Variants in DPH5 observed in about 807,000 individuals in gnomAD.
The protein encoded by DPH5 is diphthamide biosynthesis 5.
In DPH5, 31 loss-of-function variants were observed where a neutral mutation model predicts 31.6. The observed-to-expected ratio is 0.98, with a 90% CI of 0.74 to 1.32. The LOEUF is 1.32. Among genes scored for constraint, DPH5 ranks in the 40% most tolerant of loss-of-function variants. The pLI is 0.00. For synonymous variants in DPH5, 120 were observed against 115.0 expected, an observed-to-expected ratio of 1.04 and a Z score of -0.28; for missense variants, 309 against 335.7, an observed-to-expected ratio of 0.92 and a Z score of 0.62.
intron 2 of DPH5, among the ~76,000 whole-genome samples, chr1:101,023,958 T>A (rs1473037556): frequency 6.6e-6 from 1 of 152,238 alleles, no homozygotes; most frequent in African/African-American, 2.4e-5. Context: ...AAACTGCTGT[T>A]TTGTTATTTG....
intron 3 of DPH5, among the ~76,000 whole-genome samples, chr1:101,014,958 C>G (rs376848568): frequency 6.6e-6 from 1 of 152,188 alleles, no homozygotes; most frequent in African/African-American, 2.4e-5. Flanking sequence ...TCTTCAGGCT[C>G]CACTTCTAAT....
At chr1:101,007,605 C>T (rs1396102318) in intron 4 of DPH5, among the ~76,000 whole-genome samples, 1 of 151,896 alleles carries the variant, frequency 6.6e-6, no homozygotes, top group Non-Finnish European at 1.5e-5. Flanking sequence ...GTCCCAGCTA[C>T]TCGGGAGGCT....
At chr1:101,001,702 G>A in intron 4 of DPH5, 115 bp from the exon 5 acceptor site, 1 of 834,526 alleles carries the variant, frequency 1.2e-6, no homozygotes, top group Non-Finnish European at 1.8e-6. Flanking sequence ...CTCGAAATGG[G>A]TTGGGGATCA....
chr1:101,021,685 A>G lies in DPH5; in HGVS notation c.216T>C (p.Ala72=). The change falls in exon 3 of 8, where the codon GCT becomes GCC. Residue 72 remains alanine (A), a synonymous_variant. Transcript: ENST00000370109. ...EQEADNILKD[A]DISDVAFLVV... Reference sequence around the variant, plus strand: ...CAAGGAATGCAACATCACTGATATCAGCATCCTTTAAAATATTATCTGCTT... The same window carrying G: ...CAAGGAATGCAACATCACTGATATCGGCATCCTTTAAAATATTATCTGCTT... 1 of 1,614,020 alleles carries G rather than the reference A, an allele frequency of 6.2e-7. No homozygotes were observed. The highest frequency in any genetic ancestry group is 2.2e-5 in the East Asian group (1 of 44,866).
intron 6 of DPH5, among the ~76,000 whole-genome samples, chr1:100,994,509 C>T (rs1658147527): frequency 6.6e-6 from 1 of 150,908 alleles, no homozygotes. Context: ...GAGCACTCAA[C>T]TAGAGGCAGA....
intron 4 of DPH5, among the ~76,000 whole-genome samples, chr1:101,008,920 C>T (rs1422898782): frequency 2.6e-5 from 4 of 152,150 alleles, no homozygotes; most frequent in Non-Finnish European, 4.4e-5. Flanking sequence ...TTTTTCATCA[C>T]CCAACTAAGA....
At position 101,010,418 on chromosome 1, in the gene DPH5, C is replaced by T. The variant is rs913819056; in HGVS notation, c.369+3292G>A. ...TAGATAGTTATACAACAATTTTTAC[C>T]ATCATAGTGATAAACAAAAATTTTC... On this transcript the variant is annotated intron_variant, in intron 4 of 7. Coordinates refer to ENST00000370109, the MANE Select transcript of DPH5 (RefSeq NM_015958.3). Among the ~76,000 whole-genome samples the T allele has an allele frequency of 4.6e-5, 7 of 152,166 alleles. No homozygotes were observed. The East Asian group carries it at 1.2e-3, about 25-fold the overall frequency.
In DPH5 at chr1:100,990,154, T is replaced by TC. The variant is rs1438441485; in HGVS notation, c.*253dup. Reference sequence around the variant, plus strand: ...AACAATCACGGTGGAAGGCACCTCTTCACAGGGCGGCAAGAGTGAGAATGA... The same window carrying TC: ...AACAATCACGGTGGAAGGCACCTCTTCCACAGGGCGGCAAGAGTGAGAATGA... On this transcript the variant is annotated 3_prime_UTR_variant, in exon 8 of 8. Transcript: ENST00000370109. 57 of 467,768 alleles carry TC rather than the reference T, an allele frequency of 1.2e-4. 2 individuals carry two copies. The Admixed American group carries it at 2.1e-3, about 17-fold the overall frequency. 29.0% of individuals were successfully genotyped at this position (467,768 alleles called of 1,614,324 possible).
chr1:101,017,711 T>C (rs1660174700), intron 3 of DPH5, among the ~76,000 whole-genome samples: 1 of 152,234 alleles, frequency 6.6e-6, no homozygotes, highest in Admixed American at 6.5e-5. Flanking sequence ...AGCAGTCAGA[T>C]ATATATTAAC....
chr1:101,002,121 G>T (rs539151744), intron 4 of DPH5, among the ~76,000 whole-genome samples: 15 of 152,124 alleles, frequency 9.9e-5, no homozygotes, highest in Non-Finnish European at 1.5e-4. Context: ...TCCTGTCATT[G>T]TTCCAAACCT....
At chr1:101,004,203 C>T (rs1314858327) in intron 4 of DPH5, among the ~76,000 whole-genome samples, 2 of 152,294 alleles carry the variant, frequency 1.3e-5, no homozygotes, top group African/African-American at 4.8e-5. Context: ...GTGCAAACTT[C>T]TTCAGTGAAT....
rs1660784055 is a variant in DPH5, at chr1:101,025,777, G to A, written c.-118C>T. On this transcript the variant is annotated 5_prime_UTR_variant, in exon 1 of 8. Coordinates refer to ENST00000370109, the MANE Select transcript of DPH5 (RefSeq NM_015958.3). ...ACTGCAAAAGCGCCGGCTCCGTGCA[G>A]AGAAAAGGCCCACGCCGCCGGCCTC... 2.3e-5 allele frequency: 6 copies of A among 264,364 alleles called. No individual in the cohort carries two copies. The South Asian group carries it at 2.8e-4, about 12-fold the overall frequency. 16.4% of individuals were successfully genotyped at this position (264,364 alleles called of 1,614,324 possible).
chr1:101,005,057 C>G (rs1570673695), intron 4 of DPH5, among the ~76,000 whole-genome samples: 1 of 152,204 alleles, frequency 6.6e-6, no homozygotes, highest in Non-Finnish European at 1.5e-5. Flanking sequence ...CTCAATATCA[C>G]TTGCCTGAAT....
In DPH5 at chr1:100,990,645, A is replaced by C. The variant is rs367822187; in HGVS notation, c.635-14T>G. ...CCTCGGTAACTGCTATTAAAAAAAA[A>C]AGATACTGCTATTCAATTCAGCAAA... On this transcript the variant is annotated splice_polypyrimidine_tract_variant and intron_variant, in intron 7 of 7. Transcript: ENST00000370109. The C allele has an allele frequency of 6.2e-6, 10 of 1,612,286 alleles. No individual in the cohort carries two copies. Among genetic ancestry groups the C allele is most frequent in the Non-Finnish European group, 8.5e-6 (10 of 1,178,660 alleles).
At chr1:101,024,408 C>T (rs1346178150) in intron 2 of DPH5, among the ~76,000 whole-genome samples, 1 of 151,944 alleles carries the variant, frequency 6.6e-6, no homozygotes, top group East Asian at 1.9e-4. Flanking sequence ...GACTTATTTT[C>T]TCTCTCTCTC....
chr1:101,010,895 T>C (rs939731933), intron 4 of DPH5, among the ~76,000 whole-genome samples: 1 of 152,232 alleles, frequency 6.6e-6, no homozygotes, highest in Admixed American at 6.5e-5. Context: ...TCTCAAAGTA[T>C]GGTACCTGTA....
At chr1:100,997,644 C>T (rs112444759) in intron 5 of DPH5, among the ~76,000 whole-genome samples, 31 of 152,306 alleles carry the variant, frequency 2.0e-4, no homozygotes, top group East Asian at 1.5e-3. Flanking sequence ...GGATTACAGG[C>T]GTGAGCCACC....
chr1:101,004,457 T>TA (rs1267880415), intron 4 of DPH5, among the ~76,000 whole-genome samples: 2 of 152,246 alleles, frequency 1.3e-5, no homozygotes, highest in Non-Finnish European at 2.9e-5. Context: ...ATTTAAAGAC[T>TA]AAAAAAACAG....
chr1:101,014,393 TAA>T (rs923169965), intron 3 of DPH5, among the ~76,000 whole-genome samples: 45 of 152,252 alleles, frequency 3.0e-4, no homozygotes, highest in African/African-American at 1.1e-3. Flanking sequence ...TTAGTGCATA[TAA>T]AAGTTATGTT....
Sources: gnomAD v4.1 joint callset for allele counts (sites outside exome capture counted in the v4.1 genomes callset) on GRCh38, gnomAD v4.1.1 for gene constraint, MANE v1.5 for transcripts, NCBI Gene and HGNC (gene_info 2026-07-23, HGNC 2026-07-21) for gene names.